The following SBDS variants were observed in gnomAD, a reference collection of about 807,000 sequenced individuals.
The protein encoded by SBDS is ribosome maturation protein SBDS.
In SBDS, 20 loss-of-function variants were observed where a neutral mutation model predicts 26.4. That is an observed-to-expected ratio of 0.76 (90% confidence interval 0.53 to 1.10). SBDS has a LOEUF of 1.10. SBDS is among the 50% of genes least tolerant of loss of function. The probability of loss-of-function intolerance (pLI) is 0.00; values close to 1 mark genes in which losing one functional copy is unlikely to be tolerated. For missense variants in SBDS, 241 were observed against 302.0 expected, an observed-to-expected ratio of 0.80 and a Z score of 1.50; for synonymous variants, 95 against 105.1, an observed-to-expected ratio of 0.90 and a Z score of 0.59.
In SBDS at chr7:66,988,334, C is replaced by G; in HGVS notation, c.*37G>C. ...GAAACAGTGCCGTCGGAAACGGAAACACTTTAGTGTTTTAGAGGTGAAGAG... is the reference window on the plus strand; with the variant it reads ...GAAACAGTGCCGTCGGAAACGGAAAGACTTTAGTGTTTTAGAGGTGAAGAG... On this transcript the variant is annotated 3_prime_UTR_variant, in exon 5 of 5. Coordinates refer to ENST00000246868, the MANE Select transcript of SBDS (RefSeq NM_016038.4). 1 of 1,609,272 alleles carries G rather than the reference C, an allele frequency of 6.2e-7. No homozygotes were observed. The highest frequency in any genetic ancestry group is 8.5e-7 in the Non-Finnish European group (1 of 1,178,556).
chr7:66,989,406 G>A (rs1415065503), intron 4 of SBDS, among the ~76,000 whole-genome samples: 2 of 151,224 alleles, frequency 1.3e-5, no homozygotes, highest in African/African-American at 4.8e-5. Flanking sequence ...TTAGCTGGGC[G>A]AGGTGGCACA....
At chr7:66,992,816 T>C (rs1793002382) in intron 3 of SBDS, among the ~76,000 whole-genome samples, 1 of 152,060 alleles carries the variant, frequency 6.6e-6, no homozygotes. Flanking sequence ...AAGACCAGCC[T>C]GGCCAACATG....
chr7:66,988,698 G>GC (rs1227815031), intron 4 of SBDS, among the ~76,000 whole-genome samples, 199 bp from the exon 5 acceptor site: 1 of 152,024 alleles, frequency 6.6e-6, no homozygotes, highest in African/African-American at 2.4e-5. Context: ...TGTCCATGTA[G>GC]CCCCCTGTGA....
intron 2 of SBDS, 85 bp downstream of exon 2, chr7:66,994,127 A>C: frequency 7.2e-7 from 1 of 1,386,306 alleles, no homozygotes. Context: ...TCTTTCCTCC[A>C]GAAAAACAGC....
chr7:66,994,580 A>T (rs565535939), intron 1 of SBDS, among the ~76,000 whole-genome samples: 3 of 150,594 alleles, frequency 2.0e-5, no homozygotes, highest in Admixed American at 6.7e-5. Flanking sequence ...CTGTAACCTC[A>T]GCCTCCCGGG....
intron 2 of SBDS, among the ~76,000 whole-genome samples, 186 bp downstream of exon 2, chr7:66,994,019 CAAAAAAA>C (rs66521756): frequency 1.2e-5 from 1 of 81,706 alleles, no homozygotes; most frequent in African/African-American, 4.1e-5. Context: ...GAGGTTTTGG[CAAAAAAA>C]AAAAAAAAAA....
intron 2 of SBDS, among the ~76,000 whole-genome samples, chr7:66,993,752 T>C (rs557222351): frequency 3.4e-4 from 51 of 152,058 alleles, no homozygotes; most frequent in African/African-American, 1.2e-3. Context: ...TGGGCACCTG[T>C]AATCCCAGCT....
rs371208280 is a variant in SBDS, at chr7:66,994,662, C to T, written c.129-321G>A. Among the ~76,000 whole-genome samples the T allele has an allele frequency of 1.2e-3, 189 of 152,222 alleles. 1 individual carries two copies. The highest frequency in any genetic ancestry group is 0.012 in the East Asian group (63 of 5,178). On this transcript the variant is annotated intron_variant, in intron 1 of 4. Transcript: ENST00000246868. ...GGCATGCGCCACCACACCCGGCTAACTTTGTATTTTTAGTAGAGATGGGGT... is the reference window on the plus strand; with the variant it reads ...GGCATGCGCCACCACACCCGGCTAATTTTGTATTTTTAGTAGAGATGGGGT...
At chr7:66,990,912 G>C (rs1306719526) in intron 4 of SBDS, 4 of 400,622 alleles carry the variant, frequency 1.0e-5, no homozygotes, top group African/African-American at 2.1e-5. Context: ...AGCTACACAG[G>C]AGGCTGAGGC....
intron 2 of SBDS, among the ~76,000 whole-genome samples, chr7:66,993,784 G>GA (rs2129232365): frequency 6.6e-6 from 1 of 152,032 alleles, no homozygotes; most frequent in East Asian, 1.9e-4. Context: ...TGAGGCAAGA[G>GA]AATCGCTTGA....
chr7:66,993,435 C>T lies in SBDS; in HGVS notation c.259-18G>A, dbSNP rs1793018469. ...GTCAAAATCTAAAAAAATGCCAACACATTTAAGAAATCACTATCTTTCTCT... is the reference window on the plus strand; with the variant it reads ...GTCAAAATCTAAAAAAATGCCAACATATTTAAGAAATCACTATCTTTCTCT... On this transcript the variant is annotated intron_variant, in intron 2 of 4. Transcript: ENST00000246868. 2 of 1,592,710 alleles carry T rather than the reference C, an allele frequency of 1.3e-6. No individual in the cohort carries two copies. The highest frequency in any genetic ancestry group is 1.3e-5 in the African/African-American group (1 of 74,490).
At chr7:66,994,396 C>T in intron 1 of SBDS, 55 bp from the exon 2 acceptor site, 6 of 1,482,786 alleles carry the variant, frequency 4.0e-6, no homozygotes, top group Non-Finnish European at 4.7e-6. Context: ...CTTGGACATG[C>T]ATTTACATTT....
intron 3 of SBDS, among the ~76,000 whole-genome samples, chr7:66,991,588 C>T (rs1584435721): frequency 1.3e-5 from 2 of 152,052 alleles, no homozygotes; most frequent in South Asian, 2.1e-4. Flanking sequence ...GTCAGGAATT[C>T]GAGACCAGCC....
At chr7:66,991,621 T>A (rs1253640611) in intron 3 of SBDS, among the ~76,000 whole-genome samples, 3 of 151,814 alleles carry the variant, frequency 2.0e-5, no homozygotes, top group Non-Finnish European at 2.9e-5. Flanking sequence ...TGAAACCCCG[T>A]CTCCACTAAA....
At chr7:66,990,976 C>T in intron 4 of SBDS, 161 bp downstream of exon 4, 1 of 604,022 alleles carries the variant, frequency 1.7e-6, no homozygotes, top group Admixed American at 3.1e-5. Context: ...GAGATAGCAC[C>T]ACTGCACTCC....
Position 66,993,436 on chromosome 7 carries a change from A to G in SBDS, c.259-19T>C, listed in dbSNP as rs764449646. 1.3e-6 allele frequency: 2 copies of G among 1,587,824 alleles called. No individual in the cohort carries two copies. Among genetic ancestry groups the G allele is most frequent in the Admixed American group, 1.7e-5 (1 of 59,978 alleles). Reference sequence around the variant, plus strand: ...TCAAAATCTAAAAAAATGCCAACACATTTAAGAAATCACTATCTTTCTCTA... The same window carrying G: ...TCAAAATCTAAAAAAATGCCAACACGTTTAAGAAATCACTATCTTTCTCTA... On this transcript the variant is annotated intron_variant, in intron 2 of 4. Coordinates refer to ENST00000246868, the MANE Select transcript of SBDS (RefSeq NM_016038.4).
At chr7:66,993,685 C>G (rs188337576) in intron 2 of SBDS, among the ~76,000 whole-genome samples, 196 of 152,116 alleles carry the variant, frequency 1.3e-3, no homozygotes, top group Non-Finnish European at 2.4e-3. Context: ...ACCAACCTGG[C>G]CAACATGGTG....
rs1335647098 is a variant in SBDS, at chr7:66,993,205, GA to G, written c.459+11del. On this transcript the variant is annotated intron_variant, in intron 3 of 4. Transcript: ENST00000246868. Reference sequence around the variant, plus strand: ...CCATGGCTATATTTTGATGACATGAGAAACCACTCACCTGCTGTTTTGTACT... The same window carrying G: ...CCATGGCTATATTTTGATGACATGAGAACCACTCACCTGCTGTTTTGTACT... 1.2e-6 allele frequency: 2 copies of G among 1,610,958 alleles called. No homozygotes were observed. The highest frequency in any genetic ancestry group is 2.7e-5 in the African/African-American group (2 of 74,822).
At chr7:66,995,202 G>T in intron 1 of SBDS, 88 bp downstream of exon 1, 2 of 1,570,044 alleles carry the variant, frequency 1.3e-6, no homozygotes, top group Non-Finnish European at 8.8e-7. Context: ...CCCCAGCCTG[G>T]CCCATTCACT....
Sources: gnomAD v4.1 joint callset for allele counts (sites outside exome capture counted in the v4.1 genomes callset) on GRCh38, gnomAD v4.1.1 for gene constraint, MANE v1.5 for transcripts, NCBI Gene and HGNC (gene_info 2026-07-23, HGNC 2026-07-21) for gene names.